Variants in RHO observed in about 807,000 individuals in gnomAD.
RHO encodes the protein rhodopsin, also known as opsin 2, rod pigment.
A neutral mutation model predicts 31.2 loss-of-function variants in RHO; 21 were observed. The observed-to-expected ratio is 0.67, with a 90% CI of 0.48 to 0.97. The LOEUF (loss-of-function observed/expected upper bound fraction) is 0.97. Ranked by LOEUF, RHO falls within the 50% of genes least tolerant of loss-of-function variation. The probability of loss-of-function intolerance (pLI) is 0.00; values close to 1 mark genes in which losing one functional copy is unlikely to be tolerated. For synonymous variants in RHO, 211 were observed against 196.6 expected, an observed-to-expected ratio of 1.07 and a Z score of -0.61; for missense variants, 414 against 479.5, an observed-to-expected ratio of 0.86 and a Z score of 1.28.
chr3:129,530,169 T>G lies in RHO; in HGVS notation c.362-707T>G, dbSNP rs573163746. On this transcript the variant is annotated intron_variant, in intron 1 of 4. Coordinates refer to ENST00000296271, the MANE Select transcript of RHO (RefSeq NM_000539.3). ...GGTGGGTGTGCCACTTACGGGTGGT[T>G]GTTCTCTGCAGGGTCAGTCCCAGTT... 2.0e-4 allele frequency among the ~76,000 whole-genome samples: 31 copies of G among 152,316 alleles called. No individual in the cohort carries two copies. In the South Asian group the frequency reaches 6.2e-3, roughly 31 times the overall value.
rs1007788678 is a variant in RHO, at chr3:129,528,679, C to T, written c.-55C>T. On this transcript the variant is annotated 5_prime_UTR_variant, in exon 1 of 5. Coordinates refer to ENST00000296271, the MANE Select transcript of RHO (RefSeq NM_000539.3). ...GAGCCCTGAGTGGCTGAGCTCAGGC[C>T]TTCGCAGCATTCTTGGGTGGGAGCA... 1.2e-5 allele frequency: 20 copies of T among 1,612,050 alleles called. No individual in the cohort carries two copies. The South Asian group carries it at 1.5e-4, about 12-fold the overall frequency.
At chr3:129,530,376 C>A (rs1171019870) in intron 1 of RHO, among the ~76,000 whole-genome samples, 1 of 152,074 alleles carries the variant, frequency 6.6e-6, no homozygotes, top group Non-Finnish European at 1.5e-5. Flanking sequence ...GAGAGGCCCC[C>A]ACATGTCCGG....
rs1286150902 is a variant in RHO at position 129,533,725 on chromosome 3, C to T, written c.*7C>T. ...CCAGGTGGCCCCGGCCTAAGACCTG[C>T]CTAGGACTCTGTGGCCGACTATAGG... is the stretch of plus-strand genomic sequence containing the variant. On this transcript the variant is annotated 3_prime_UTR_variant, in exon 5 of 5. Transcript: ENST00000296271. 1.9e-6 allele frequency: 3 copies of T among 1,596,454 alleles called. No individual in the cohort carries two copies. Among genetic ancestry groups the T allele is most frequent in the East Asian group, 4.5e-5 (2 of 44,820 alleles).
chr3:129,531,118 G>A (rs776124711), intron 2 of RHO, 74 bp downstream of exon 2: 16 of 1,554,670 alleles, frequency 1.0e-5, no homozygotes, highest in Non-Finnish European at 1.4e-5. Flanking sequence ...CTCAAACCCA[G>A]TAGTGTCTGG....
In RHO at chr3:129,533,680, G is replaced by C. The variant is rs201989308; in HGVS notation, c.1009G>C (p.Val337Leu). The change falls in exon 5 of 5, where the codon GTG becomes CTG. Residue 337 changes from valine (V) to leucine (L), a missense_variant. Physicochemically the swap from Val to Leu is conservative, Grantham distance 32. Coordinates refer to ENST00000296271, the MANE Select transcript of RHO (RefSeq NM_000539.3). Reference sequence around the variant, plus strand: ...GGGTGACGATGAGGCCTCTGCTACCGTGTCCAAGACGGAGACGAGCCAGGT... The same window carrying C: ...GGGTGACGATGAGGCCTCTGCTACCCTGTCCAAGACGGAGACGAGCCAGGT... ...PLGDDEASAT[V>L]SKTETSQVAP... 6.2e-7 allele frequency: 1 copy of C among 1,614,050 alleles called. No homozygotes were observed. Among genetic ancestry groups the C allele is most frequent in the Non-Finnish European group, 8.5e-7 (1 of 1,179,990 alleles).
chr3:129,531,955 G>A (rs1217154881), intron 2 of RHO, among the ~76,000 whole-genome samples: 1 of 152,172 alleles, frequency 6.6e-6, no homozygotes, highest in African/African-American at 2.4e-5. Flanking sequence ...CCAACCCTCT[G>A]CGTGGCATAG....
chr3:129,533,085 G>T (rs1368866095), intron 4 of RHO, among the ~76,000 whole-genome samples: 2 of 152,074 alleles, frequency 1.3e-5, no homozygotes, highest in African/African-American at 4.8e-5. Flanking sequence ...AAGGACCCAA[G>T]TCGGGAATGG....
chr3:129,529,555 G>A (rs1366765139), intron 1 of RHO, among the ~76,000 whole-genome samples: 1 of 152,158 alleles, frequency 6.6e-6, no homozygotes, highest in Non-Finnish European at 1.5e-5. Flanking sequence ...CTCTCTGGGG[G>A]CCCAAGCTCA....
chr3:129,530,533 A>AACACACACACACACAC (rs60120581), intron 1 of RHO, among the ~76,000 whole-genome samples: 1,306 of 122,870 alleles, frequency 0.011, 42 homozygotes, highest in South Asian at 0.061. Context: ...ACACACACAC[A>AACACACACACACACAC]ACACACACAC....
chr3:129,533,736 G>T lies in RHO; in HGVS notation c.*18G>T, dbSNP rs2084801862. 3.9e-6 allele frequency: 6 copies of T among 1,556,396 alleles called. No individual in the cohort carries two copies. Among genetic ancestry groups the T allele is most frequent in the Non-Finnish European group, 5.3e-6 (6 of 1,127,800 alleles). On this transcript the variant is annotated 3_prime_UTR_variant, in exon 5 of 5. Transcript: ENST00000296271. ...CGGCCTAAGACCTGCCTAGGACTCT[G>T]TGGCCGACTATAGGCGTCTCCCATC...
chr3:129,533,786 C>T lies in RHO; in HGVS notation c.*68C>T, dbSNP rs552237368. The T allele has an allele frequency of 8.3e-5, 89 of 1,071,574 alleles. No homozygotes were observed. Among genetic ancestry groups the T allele is most frequent in the East Asian group, 3.1e-4 (13 of 42,370 alleles). 66.4% of individuals were successfully genotyped at this position (1,071,574 alleles called of 1,614,324 possible). A position where few individuals can be genotyped will look rare whatever the true frequency, so the allele number is the denominator to read the frequency against. ...CCCCTACACCTTCCCCCAGCCACAG[C>T]CATCCCACCAGGAGCAGCGCCTGTG... On this transcript the variant is annotated 3_prime_UTR_variant, in exon 5 of 5. Transcript: ENST00000296271.
chr3:129,530,329 CT>C (rs2084769175), intron 1 of RHO, among the ~76,000 whole-genome samples: 1 of 152,138 alleles, frequency 6.6e-6, no homozygotes, highest in South Asian at 2.1e-4. Flanking sequence ...TCTTCTTCCT[CT>C]GGGCAAAACA....
rs915839107 is a variant in RHO at position 129,532,871 on chromosome 3, G to A, written c.936+99G>A. ...AGGGCAGGGGAGGGGGCTCCATCAG[G>A]GTTACTGGCAGCAGTCTTGGGTCAG... is the stretch of plus-strand genomic sequence containing the variant. On this transcript the variant is annotated intron_variant, in intron 4 of 4. Coordinates refer to ENST00000296271, the MANE Select transcript of RHO (RefSeq NM_000539.3). The surrounding 1 kb of genome is among the most constrained non-coding windows in gnomAD (Gnocchi z 5.5). 3 of 1,519,264 alleles carry A rather than the reference G, an allele frequency of 2.0e-6. No homozygotes were observed. Among genetic ancestry groups the A allele is most frequent in the East Asian group, 4.5e-5 (2 of 44,428 alleles). 94.1% of individuals were successfully genotyped at this position (1,519,264 alleles called of 1,614,324 possible).
Position 129,534,479 on chromosome 3 carries a change from G to A in RHO, c.*761G>A, listed in dbSNP as rs1259833253. ...GATGATGGGGTTTCACCCAACCTTG[G>A]GGCAGGTTTTTAAAAATTAGCTAGG... On this transcript the variant is annotated 3_prime_UTR_variant, in exon 5 of 5. Transcript: ENST00000296271. 6.6e-6 allele frequency: 1 copy of A among 152,268 alleles called. No individual in the cohort carries two copies. The highest frequency in any genetic ancestry group is 1.9e-4 in the East Asian group (1 of 5,198). The allele number at this position is 152,268 out of a possible 1,614,324, so 9.4% of individuals were successfully genotyped here.
In RHO at chr3:129,532,400, T is replaced by G. The variant is rs1286665566; in HGVS notation, c.680T>G (p.Val227Gly). The change falls in exon 3 of 5, where the codon GTC becomes GGC. Residue 227 changes from valine (V) to glycine (G), a missense_variant. By Grantham distance (109) the Val-to-Gly change is moderately radical. Coordinates refer to ENST00000296271, the MANE Select transcript of RHO (RefSeq NM_000539.3). The surrounding 1 kb of genome is among the most constrained non-coding windows in gnomAD (Gnocchi z 5.5). ...IIIFFCYGQL[V>G]FTVKEAAAQQ... is the part of the protein sequence containing the mutation. Reference sequence around the variant, plus strand: ...ATCTTTTTCTGCTATGGGCAGCTCGTCTTCACCGTCAAGGAGGTACGGGCC... The same window carrying G: ...ATCTTTTTCTGCTATGGGCAGCTCGGCTTCACCGTCAAGGAGGTACGGGCC... 3 of 1,614,058 alleles carry G rather than the reference T, an allele frequency of 1.9e-6. No homozygotes were observed. The South Asian group carries it at 3.3e-5, about 18-fold the overall frequency.
At chr3:129,529,736 C>T (rs955406718) in intron 1 of RHO, among the ~76,000 whole-genome samples, 10 of 152,226 alleles carry the variant, frequency 6.6e-5, no homozygotes, top group Admixed American at 2.6e-4. Flanking sequence ...CGCAAGCAGC[C>T]GCTCTGAAGC....
At chr3:129,530,533 A>ACACAACACACACACAC (rs1553781099) in intron 1 of RHO, among the ~76,000 whole-genome samples, 1 of 122,898 alleles carries the variant, frequency 8.1e-6, no homozygotes, top group African/African-American at 4.1e-5. Context: ...ACACACACAC[A>ACACAACACACACACAC]ACACACACAC....
In RHO at chr3:129,528,682, C is replaced by T. The variant is rs559421777; in HGVS notation, c.-52C>T. 28 of 1,612,218 alleles carry T rather than the reference C, an allele frequency of 1.7e-5. No individual in the cohort carries two copies. Among genetic ancestry groups the T allele is most frequent in the East Asian group, 1.3e-4 (6 of 44,832 alleles). On this transcript the variant is annotated 5_prime_UTR_variant, in exon 1 of 5. Coordinates refer to ENST00000296271, the MANE Select transcript of RHO (RefSeq NM_000539.3). ...CCCTGAGTGGCTGAGCTCAGGCCTT[C>T]GCAGCATTCTTGGGTGGGAGCAGCC...
At chr3:129,531,665 A>G (rs1369128697) in intron 2 of RHO, among the ~76,000 whole-genome samples, 1 of 151,970 alleles carries the variant, frequency 6.6e-6, no homozygotes, top group Non-Finnish European at 1.5e-5. Context: ...CTTTTTCCCC[A>G]TCTTCTCCAA....
Sources: gnomAD v4.1 joint callset for allele counts (sites outside exome capture counted in the v4.1 genomes callset) on GRCh38, gnomAD v4.1.1 for gene constraint, Gnocchi (gnomAD v3.1) non-coding constraint, MANE v1.5 for transcripts, NCBI Gene and HGNC (gene_info 2026-07-23, HGNC 2026-07-21) for gene names.